The following RAB28 variants were observed in gnomAD, a reference collection of about 807,000 sequenced individuals.
RAB28 encodes the protein ras-related protein Rab-28.
In RAB28, 24 loss-of-function variants were observed where a neutral mutation model predicts 31.7. The observed-to-expected ratio is 0.76, with a 90% CI of 0.55 to 1.06. RAB28 has a LOEUF of 1.06. RAB28 is among the 50% of genes least tolerant of loss of function. The pLI is 0.00. For missense variants in RAB28, 254 were observed against 258.5 expected, an observed-to-expected ratio of 0.98 and a Z score of 0.12; for synonymous variants, 100 against 90.4, an observed-to-expected ratio of 1.11 and a Z score of -0.60.
rs996115158 is a variant in RAB28, at chr4:13,469,982, G to A, written c.261+4336C>T. Among the ~76,000 whole-genome samples, 3 of 152,026 alleles carry A rather than the reference G, an allele frequency of 2.0e-5. No individual in the cohort carries two copies. In the East Asian group the frequency reaches 5.8e-4, roughly 29 times the overall value. ...CTGGGATTACAGGAATGACCCAATG[G>A]CCTGGACTTGACAGAAGTTTTGAAA... is the stretch of plus-strand genomic sequence containing the variant. On this transcript the variant is annotated intron_variant, in intron 3 of 6. Coordinates refer to ENST00000330852, the MANE Select transcript of RAB28 (RefSeq NM_001017979.3).
intron 6 of RAB28, among the ~76,000 whole-genome samples, chr4:13,368,930 T>C (rs1728615576): frequency 6.6e-6 from 1 of 151,846 alleles, no homozygotes; most frequent in Admixed American, 6.6e-5. Flanking sequence ...AAATCAATAA[T>C]GAAAAATTAA....
At chr4:13,382,716 T>G (rs1472042429) in intron 4 of RAB28, among the ~76,000 whole-genome samples, 2 of 89,488 alleles carry the variant, frequency 2.2e-5, no homozygotes, top group African/African-American at 3.9e-5. Flanking sequence ...TTTTTTTTTT[T>G]GAGACAGAGT....
intron 6 of RAB28, chr4:13,371,780 C>T: frequency 1.9e-6 from 3 of 1,546,250 alleles, no homozygotes; most frequent in Non-Finnish European, 2.6e-6. Context: ...AAAATGTTAC[C>T]TATAAAATAC....
At chr4:13,475,966 G>C (rs1716343908) in intron 2 of RAB28, among the ~76,000 whole-genome samples, 1 of 151,372 alleles carries the variant, frequency 6.6e-6, no homozygotes, top group Admixed American at 6.6e-5. Flanking sequence ...CATTTTACTT[G>C]CACAACTCTT....
intron 4 of RAB28, among the ~76,000 whole-genome samples, chr4:13,421,203 A>T (rs1030582914): frequency 1.3e-5 from 2 of 152,136 alleles, no homozygotes; most frequent in African/African-American, 4.8e-5. Context: ...TACAAGGGAT[A>T]TGAAGGACTT....
In RAB28 at chr4:13,431,700, G is replaced by C. The variant is rs540538299; in HGVS notation, c.391+28999C>G. Among the ~76,000 whole-genome samples, 180 of 151,946 alleles carry C rather than the reference G, an allele frequency of 1.2e-3. 2 individuals carry two copies. Among genetic ancestry groups the C allele is most frequent in the Admixed American group, 2.2e-3 (34 of 15,246 alleles). Reference sequence around the variant, plus strand: ...AACCAAGGAGCCCACACAGAGCCTTGGTCCCCTGAAAGCACCCAGAAACGA... The same window carrying C: ...AACCAAGGAGCCCACACAGAGCCTTCGTCCCCTGAAAGCACCCAGAAACGA... On this transcript the variant is annotated intron_variant, in intron 4 of 6. Coordinates refer to ENST00000330852, the MANE Select transcript of RAB28 (RefSeq NM_001017979.3).
At chr4:13,406,109 G>A (rs751727301) in intron 4 of RAB28, among the ~76,000 whole-genome samples, 5 of 151,860 alleles carry the variant, frequency 3.3e-5, no homozygotes, top group African/African-American at 7.3e-5. Flanking sequence ...CCATCAACTC[G>A]TCATCTACAT....
At chr4:13,467,776 C>T (rs1715931662) in intron 3 of RAB28, among the ~76,000 whole-genome samples, 1 of 151,740 alleles carries the variant, frequency 6.6e-6, no homozygotes, top group South Asian at 2.1e-4. Context: ...GATGTTAACC[C>T]AGCTATATCA....
chr4:13,420,673 T>A (rs1179053951), intron 4 of RAB28, among the ~76,000 whole-genome samples: 2 of 152,090 alleles, frequency 1.3e-5, no homozygotes, highest in East Asian at 3.8e-4. Context: ...ATTATCTCAA[T>A]AGATGCAGAA....
intron 4 of RAB28, among the ~76,000 whole-genome samples, chr4:13,457,960 A>C (rs766235049): frequency 1.3e-5 from 2 of 152,200 alleles, no homozygotes; most frequent in Non-Finnish European, 2.9e-5. Flanking sequence ...CAAAACCTCC[A>C]ATAAAGCACA....
intron 4 of RAB28, among the ~76,000 whole-genome samples, chr4:13,409,082 G>A (rs1010410349): frequency 5.3e-5 from 8 of 152,046 alleles, no homozygotes; most frequent in Non-Finnish European, 1.0e-4. Flanking sequence ...CACCTCAGAG[G>A]AAAATAAAGC....
intron 4 of RAB28, among the ~76,000 whole-genome samples, chr4:13,404,695 A>C (rs1466112420): frequency 6.6e-6 from 1 of 152,180 alleles, no homozygotes; most frequent in Admixed American, 6.5e-5. Context: ...ATCAAATTAT[A>C]ACTTATGGAT....
chr4:13,475,159 T>C (rs900502367), intron 2 of RAB28, among the ~76,000 whole-genome samples: 9 of 151,612 alleles, frequency 5.9e-5, no homozygotes, highest in East Asian at 1.9e-4. Flanking sequence ...CATACAAGCA[T>C]TGTAAAAGCA....
At chr4:13,480,013 C>T (rs1019535679) in intron 1 of RAB28, among the ~76,000 whole-genome samples, 1 of 151,388 alleles carries the variant, frequency 6.6e-6, no homozygotes, top group South Asian at 2.1e-4. Context: ...AGAAAAGCAC[C>T]GTATGTAATT....
At chr4:13,369,845 A>G in intron 6 of RAB28, 1 of 1,590,756 alleles carries the variant, frequency 6.3e-7, no homozygotes, top group Non-Finnish European at 8.6e-7. Flanking sequence ...CACCTCCCCA[A>G]ACTGTAATAA....
At chr4:13,403,772 A>G (rs914431492) in intron 4 of RAB28, among the ~76,000 whole-genome samples, 3 of 152,218 alleles carry the variant, frequency 2.0e-5, no homozygotes, top group Non-Finnish European at 4.4e-5. Context: ...ATGAGTAAAT[A>G]AATGAATGAA....
At chr4:13,442,207 T>C (rs1311485615) in intron 4 of RAB28, among the ~76,000 whole-genome samples, 1 of 152,206 alleles carries the variant, frequency 6.6e-6, no homozygotes, top group Non-Finnish European at 1.5e-5. Context: ...GTGGATTAAC[T>C]ATTCCCTCAG....
chr4:13,374,927 C>T (rs1003272734), intron 6 of RAB28, among the ~76,000 whole-genome samples: 2 of 152,136 alleles, frequency 1.3e-5, no homozygotes, highest in African/African-American at 4.8e-5. Context: ...TGTTCTCAAA[C>T]TCTTTATACT....
At chr4:13,453,338 C>G (rs1216908371) in intron 4 of RAB28, among the ~76,000 whole-genome samples, 1 of 152,040 alleles carries the variant, frequency 6.6e-6, no homozygotes, top group South Asian at 2.1e-4. Flanking sequence ...GTTCTGTATA[C>G]CCTTTGTTCC....
Sources: allele counts gnomAD v4.1 joint callset (sites outside exome capture counted in the v4.1 genomes callset), GRCh38; gene constraint gnomAD v4.1.1; transcripts MANE v1.5; gene names NCBI Gene and HGNC (gene_info 2026-07-23, HGNC 2026-07-21).